Variants in MTF2 observed in about 807,000 individuals in gnomAD.
MTF2 encodes the protein metal response element binding transcription factor 2.
In MTF2, 11 loss-of-function variants were observed where a neutral mutation model predicts 79.5. The observed-to-expected ratio is 0.14, with a 90% CI of 0.09 to 0.23. The LOEUF (loss-of-function observed/expected upper bound fraction) is 0.23. Among genes scored for constraint, MTF2 ranks in the 10% least tolerant of loss-of-function variants. MTF2 has a pLI of 1.00. For synonymous variants in MTF2, 208 were observed against 232.8 expected, an observed-to-expected ratio of 0.89 and a Z score of 0.97; for missense variants, 486 against 711.2, an observed-to-expected ratio of 0.68 and a Z score of 3.60.
intron 3 of MTF2, among the ~76,000 whole-genome samples, chr1:93,112,807 T>C (rs1308873187): frequency 1.3e-5 from 2 of 152,216 alleles, no homozygotes; most frequent in African/African-American, 2.4e-5. Flanking sequence ...GTAAAAAATA[T>C]ATACATATAT....
chr1:93,131,490 A>G (rs1432109117), intron 11 of MTF2, among the ~76,000 whole-genome samples: 1 of 152,188 alleles, frequency 6.6e-6, no homozygotes, highest in East Asian at 1.9e-4. Flanking sequence ...TCTCCTGCGT[A>G]TCAGGGACAC....
chr1:93,122,247 T>C (rs1656512450), intron 9 of MTF2, among the ~76,000 whole-genome samples: 1 of 152,236 alleles, frequency 6.6e-6, no homozygotes, highest in Admixed American at 6.5e-5. Context: ...ATTATTCTTT[T>C]AGCACTTCAT....
At chr1:93,079,996 A>C (rs1403529918) in intron 1 of MTF2, among the ~76,000 whole-genome samples, 4 of 151,954 alleles carry the variant, frequency 2.6e-5, no homozygotes, top group Non-Finnish European at 5.9e-5. Flanking sequence ...GCAGCTTGGA[A>C]TCGGAGGGTG....
intron 9 of MTF2, among the ~76,000 whole-genome samples, chr1:93,125,968 CTG>C (rs1232039941): frequency 6.6e-6 from 1 of 151,898 alleles, no homozygotes; most frequent in Non-Finnish European, 1.5e-5. Flanking sequence ...GAATAAATAT[CTG>C]TACTGTAAAA....
At chr1:93,118,283 A>G in intron 6 of MTF2, 62 bp from the exon 7 acceptor site, 1 of 980,496 alleles carries the variant, frequency 1.0e-6, no homozygotes, top group Non-Finnish European at 1.5e-6. Flanking sequence ...TTTTTTTTAA[A>G]GAAATGAACC....
chr1:93,123,839 G>T, intron 9 of MTF2, among the ~76,000 whole-genome samples: 1 of 136,978 alleles, frequency 7.3e-6, no homozygotes. Context: ...TTTAAGAGCA[G>T]ATTTAGGTTG....
intron 11 of MTF2, among the ~76,000 whole-genome samples, chr1:93,130,889 T>G (rs971755770): frequency 2.0e-5 from 3 of 152,120 alleles, no homozygotes; most frequent in African/African-American, 4.8e-5. Flanking sequence ...TTTGGTATGG[T>G]GAATGAAGCA....
chr1:93,107,372 G>A (rs1170855610), intron 1 of MTF2, among the ~76,000 whole-genome samples: 1 of 151,914 alleles, frequency 6.6e-6, no homozygotes, highest in Non-Finnish European at 1.5e-5. Flanking sequence ...TTACAGGCAC[G>A]CGCCACCATG....
chr1:93,106,520 CTTTTTT>C (rs56362214), intron 1 of MTF2, among the ~76,000 whole-genome samples: 2 of 131,572 alleles, frequency 1.5e-5, no homozygotes, highest in Non-Finnish European at 3.3e-5. Flanking sequence ...AACTTAAAGC[CTTTTTT>C]TTTTTTTTTT....
At chr1:93,132,482 C>T (rs1400871717) in intron 11 of MTF2, among the ~76,000 whole-genome samples, 1 of 152,196 alleles carries the variant, frequency 6.6e-6, no homozygotes, top group Non-Finnish European at 1.5e-5. Context: ...TCCTCAGTTC[C>T]TTCTGGACCT....
In MTF2 at chr1:93,110,317, G is replaced by T. The variant is rs749454906; in HGVS notation, c.93G>T (p.Leu31=). The change falls in exon 2 of 15, where the codon CTG becomes CTT. Residue 31 remains leucine (L), a synonymous_variant. Coordinates refer to ENST00000370298, the MANE Select transcript of MTF2 (RefSeq NM_007358.4). ...NQKTPTSLTK[L]SLQDGHKAKK... is the part of the protein sequence containing the mutation. The stretch of plus-strand genomic sequence containing the variant: ...AGACCCCAACATCCTTGACCAAGCT[G>T]TCTTTACAGGATGGACATAAAGCCA... 3.7e-6 allele frequency: 6 copies of T among 1,614,132 alleles called. No homozygotes were observed. Among genetic ancestry groups the T allele is most frequent in the Non-Finnish European group, 5.1e-6 (6 of 1,180,020 alleles).
intron 1 of MTF2, among the ~76,000 whole-genome samples, chr1:93,093,827 C>T (rs764461188): frequency 1.3e-5 from 2 of 152,140 alleles, no homozygotes; most frequent in Non-Finnish European, 2.9e-5. Context: ...CCTGCCTCAG[C>T]CTCTGGAGTA....
At chr1:93,129,470 A>G (rs763653475) in intron 11 of MTF2, 22 bp downstream of exon 11, 1 of 1,463,834 alleles carries the variant, frequency 6.8e-7, no homozygotes. Flanking sequence ...TCTGTGGCTT[A>G]GTTTTTCTCT....
intron 1 of MTF2, among the ~76,000 whole-genome samples, chr1:93,094,618 T>C (rs944735855): frequency 1.3e-5 from 2 of 152,130 alleles, no homozygotes; most frequent in Non-Finnish European, 2.9e-5. Flanking sequence ...CACTGTGTAG[T>C]TGAGCATATT....
intron 11 of MTF2, among the ~76,000 whole-genome samples, chr1:93,131,428 G>T (rs1571254750): frequency 6.6e-6 from 1 of 152,156 alleles, no homozygotes; most frequent in Admixed American, 6.5e-5. Context: ...ATAGGACTGG[G>T]TGAAAGTATG....
chr1:93,083,990 GC>G (rs2101012636), intron 1 of MTF2, among the ~76,000 whole-genome samples: 1 of 152,026 alleles, frequency 6.6e-6, no homozygotes, highest in Admixed American at 6.5e-5. Context: ...CCCATCCTGT[GC>G]ATTATCTTTT....
rs373446756 is a variant in MTF2, at chr1:93,120,559, G to A, written c.808G>A (p.Ala270Thr). 3 of 1,594,958 alleles carry A rather than the reference G, an allele frequency of 1.9e-6. No homozygotes were observed. The highest frequency in any genetic ancestry group is 1.4e-5 in the African/African-American group (1 of 73,632). The change falls in exon 9 of 15, where the codon GCA becomes ACA. Residue 270 changes from alanine (A) to threonine (T), a missense_variant. This residue lies in a region of MTF2 where 177 missense variants were observed against 364.0 expected (regional missense o/e 0.49). Transcript: ENST00000370298. ...ATTTTCGGATTCCAGGGTAGATATA[G>A]CACACCTATGCCTTTACAACCTAAG... is the stretch of plus-strand genomic sequence containing the variant. Reference protein sequence around the residue: ...KRLPLQWVDIAHLCLYNLSVI... With the variant: ...KRLPLQWVDITHLCLYNLSVI...
At chr1:93,115,690 G>T in intron 6 of MTF2, 72 bp downstream of exon 6, 3 of 1,277,154 alleles carry the variant, frequency 2.3e-6, no homozygotes, top group Non-Finnish European at 3.1e-6. Context: ...TGATTATGGT[G>T]TGTGAGTGAT....
Position 93,138,793 on chromosome 1 carries a change from T to C in MTF2, c.*1766T>C, listed in dbSNP as rs1647510385. 1 of 152,234 alleles carries C rather than the reference T, an allele frequency of 6.6e-6. No individual in the cohort carries two copies. Among genetic ancestry groups the C allele is most frequent in the South Asian group, 2.1e-4 (1 of 4,838 alleles). 9.4% of individuals were successfully genotyped at this position (152,234 alleles called of 1,614,324 possible). ...TTATATCTAGGGGTAATGAAAAATGTAAATCCCGTGTATCCTTATTCACTC... is the reference window on the plus strand; with the variant it reads ...TTATATCTAGGGGTAATGAAAAATGCAAATCCCGTGTATCCTTATTCACTC... On this transcript the variant is annotated 3_prime_UTR_variant, in exon 15 of 15. Coordinates refer to ENST00000370298, the MANE Select transcript of MTF2 (RefSeq NM_007358.4).
Sources: gnomAD v4.1 joint callset for allele counts (sites outside exome capture counted in the v4.1 genomes callset) on GRCh38, gnomAD v4.1.1 for gene constraint, gnomAD v4.1.1 regional missense constraint, MANE v1.5 for transcripts, NCBI Gene and HGNC (gene_info 2026-07-23, HGNC 2026-07-21) for gene names.